The following GRID2 variants were observed in gnomAD, a reference collection of about 807,000 sequenced individuals.
GRID2 encodes the protein glutamate receptor ionotropic, delta-2.
A neutral mutation model predicts 114.8 loss-of-function variants in GRID2; 33 were observed. The observed-to-expected ratio is 0.29, with a 90% CI of 0.22 to 0.38. GRID2 has a LOEUF of 0.38. Ranked by LOEUF, GRID2 falls within the 10% of genes least tolerant of loss-of-function variation. The pLI, the probability that GRID2 is intolerant of heterozygous loss-of-function variation, is 1.00. For missense variants in GRID2, 1,184 were observed against 1,257.7 expected, an observed-to-expected ratio of 0.94 and a Z score of 0.89; for synonymous variants, 505 against 449.9, an observed-to-expected ratio of 1.12 and a Z score of -1.55.
At chr4:92,764,421 G>A (rs1410094614) in intron 2 of GRID2, among the ~76,000 whole-genome samples, 2 of 152,268 alleles carry the variant, frequency 1.3e-5, no homozygotes, top group African/African-American at 4.8e-5. Context: ...TCTTTTGAGA[G>A]TGAGCATGTG....
At chr4:92,952,294 A>C (rs1752095177) in intron 2 of GRID2, among the ~76,000 whole-genome samples, 1 of 152,118 alleles carries the variant, frequency 6.6e-6, no homozygotes, top group Admixed American at 6.5e-5. Context: ...ATTTTCTTTG[A>C]ACTGTTTACA....
At chr4:92,754,029 CACAA>C (rs957911269) in intron 2 of GRID2, among the ~76,000 whole-genome samples, 7 of 152,172 alleles carry the variant, frequency 4.6e-5, no homozygotes, top group African/African-American at 1.7e-4. Context: ...ACAACATAAA[CACAA>C]ACACATCGTT....
chr4:93,053,620 GT>G (rs1285497676), intron 2 of GRID2, among the ~76,000 whole-genome samples: 1 of 151,952 alleles, frequency 6.6e-6, no homozygotes, highest in African/African-American at 2.4e-5. Flanking sequence ...AGAAAAATTG[GT>G]GTTAAGAGTC....
At chr4:92,781,104 G>A (rs1739052483) in intron 2 of GRID2, among the ~76,000 whole-genome samples, 1 of 151,968 alleles carries the variant, frequency 6.6e-6, no homozygotes, top group African/African-American at 2.4e-5. Context: ...AATTAGCCGG[G>A]CATGGTGGCA....
At chr4:93,601,383 C>T (rs1030056218) in intron 13 of GRID2, among the ~76,000 whole-genome samples, 1 of 152,094 alleles carries the variant, frequency 6.6e-6, no homozygotes, top group African/African-American at 2.4e-5. Context: ...GGAACATGTC[C>T]CATTTTCATG....
chr4:92,895,308 A>T (rs547409745), intron 2 of GRID2, among the ~76,000 whole-genome samples: 11 of 150,208 alleles, frequency 7.3e-5, no homozygotes, highest in African/African-American at 2.2e-4. Flanking sequence ...GATCTACTCC[A>T]GTACATGGGT....
intron 2 of GRID2, among the ~76,000 whole-genome samples, chr4:92,832,817 T>C (rs1742210478): frequency 6.6e-6 from 1 of 152,110 alleles, no homozygotes; most frequent in South Asian, 2.1e-4. Context: ...AAATGAAATC[T>C]ATTTAGTCCT....
At chr4:92,684,270 T>G (rs1166091509) in intron 2 of GRID2, among the ~76,000 whole-genome samples, 1 of 152,028 alleles carries the variant, frequency 6.6e-6, no homozygotes, top group Non-Finnish European at 1.5e-5. Context: ...TGATTATCCT[T>G]GGTTACACAG....
intron 2 of GRID2, among the ~76,000 whole-genome samples, chr4:92,866,840 C>G (rs961503139): frequency 1.3e-5 from 2 of 152,098 alleles, no homozygotes; most frequent in South Asian, 4.1e-4. Flanking sequence ...CGTGAGCCAC[C>G]GCTCCCGGCC....
At chr4:93,788,600 T>C (rs1734638632) in intron 1 of GRID2, among the ~76,000 whole-genome samples, 1 of 152,012 alleles carries the variant, frequency 6.6e-6, no homozygotes, top group Non-Finnish European at 1.5e-5. Context: ...AGAAAAAAGA[T>C]AACAAAAATC....
chr4:93,524,805 A>G (rs1337712489), intron 13 of GRID2, among the ~76,000 whole-genome samples: 1 of 77,898 alleles, frequency 1.3e-5, no homozygotes, highest in Non-Finnish European at 2.4e-5. Context: ...ATATATATAT[A>G]TATATATATG....
intron 14 of GRID2, among the ~76,000 whole-genome samples, chr4:93,706,928 T>C (rs888452760): frequency 6.6e-6 from 1 of 152,148 alleles, no homozygotes; most frequent in Non-Finnish European, 1.5e-5. Flanking sequence ...GAAGGAATAT[T>C]GGTCAAATGC....
chr4:93,043,599 A>G (rs1725814678), intron 2 of GRID2, among the ~76,000 whole-genome samples: 2 of 152,158 alleles, frequency 1.3e-5, no homozygotes, highest in Non-Finnish European at 2.9e-5. Context: ...AGGTTTATGT[A>G]AAAGAGCATG....
intron 4 of GRID2, among the ~76,000 whole-genome samples, chr4:93,178,158 T>C (rs1579205212): frequency 6.6e-6 from 1 of 151,676 alleles, no homozygotes. Context: ...GATTCTCCCT[T>C]ACTAATCATC....
At chr4:92,551,618 A>G (rs1333129684) in intron 1 of GRID2, among the ~76,000 whole-genome samples, 17 of 152,186 alleles carry the variant, frequency 1.1e-4, no homozygotes, top group Non-Finnish European at 4.4e-5. Context: ...AGTGCATTCA[A>G]TGTACAAGCA....
chr4:93,058,880 G>T (rs1727514727), intron 2 of GRID2, among the ~76,000 whole-genome samples: 1 of 151,838 alleles, frequency 6.6e-6, no homozygotes, highest in African/African-American at 2.4e-5. Flanking sequence ...TAAAATAACT[G>T]CATTATAAAA....
At chr4:92,699,481 A>G (rs1280220263) in intron 2 of GRID2, among the ~76,000 whole-genome samples, 4 of 152,202 alleles carry the variant, frequency 2.6e-5, no homozygotes, top group African/African-American at 7.2e-5. Flanking sequence ...TAAATGAGGT[A>G]CATTTGAAAA....
intron 1 of GRID2, among the ~76,000 whole-genome samples, chr4:92,360,439 CAAAA>C (rs1728558306): frequency 6.6e-6 from 1 of 151,820 alleles, no homozygotes; most frequent in East Asian, 1.9e-4. Context: ...GGCAGATAAA[CAAAA>C]CCAAACCATT....
intron 2 of GRID2, among the ~76,000 whole-genome samples, chr4:93,036,565 TA>T (rs1484487665): frequency 6.6e-6 from 1 of 152,178 alleles, no homozygotes; most frequent in Non-Finnish European, 1.5e-5. Context: ...TGCTTTCCTT[TA>T]TTATTTTTGC....
Sources: gnomAD v4.1 joint callset for allele counts (sites outside exome capture counted in the v4.1 genomes callset) on GRCh38, gnomAD v4.1.1 for gene constraint, MANE v1.5 for transcripts, NCBI Gene and HGNC (gene_info 2026-07-23, HGNC 2026-07-21) for gene names.